The following WNK4 variants were observed in gnomAD, a reference collection of about 807,000 sequenced individuals.
WNK4 encodes WNK lysine deficient protein kinase 4, also known as serine/threonine-protein kinase WNK4.
Under a neutral mutation model 116.2 loss-of-function variants are expected in WNK4, and 94 were observed. That is an observed-to-expected ratio of 0.81 (90% CI 0.68 to 0.96). The LOEUF is 0.96. Ranked by LOEUF, WNK4 falls within the 40% of genes least tolerant of loss-of-function variation. WNK4 has a pLI of 0.00. For synonymous variants in WNK4, 655 were observed against 672.7 expected, an observed-to-expected ratio of 0.97 and a Z score of 0.41; for missense variants, 1,542 against 1,650.6, an observed-to-expected ratio of 0.93 and a Z score of 1.14.
In WNK4 at chr17:42,796,279, C is replaced by T. The variant is rs2054670828; in HGVS notation, c.3588C>T (p.Thr1196=). The change falls in exon 17 of 19, where the codon ACC becomes ACT. Residue 1196 remains threonine, a synonymous_variant. Transcript: ENST00000246914. ...GCCTCTCCAAGGGCAGCTTCCCCACCTCCCGCCGCAACAGCCTACAGCGCT... is the reference window on the plus strand; with the variant it reads ...GCCTCTCCAAGGGCAGCTTCCCCACTTCCCGCCGCAACAGCCTACAGCGCT... The part of the protein sequence containing the change: ...QRRLSKGSFP[T]SRRNSLQRSE... The T allele has an allele frequency of 6.2e-7, 1 of 1,607,050 alleles. No individual in the cohort carries two copies. The highest frequency in any genetic ancestry group is 1.3e-5 in the African/African-American group (1 of 74,796).
Position 42,784,618 on chromosome 17 carries a change from G to A in WNK4, c.1170+39G>A, listed in dbSNP as rs1302369041. Reference sequence around the variant, plus strand: ...GGCTGGCGGGAAAGGCAATTCCAGGGCCACTTCCCCTTTTCCTGCGCCGGC... The same window carrying A: ...GGCTGGCGGGAAAGGCAATTCCAGGACCACTTCCCCTTTTCCTGCGCCGGC... On this transcript the variant is annotated intron_variant, in intron 4 of 18. Coordinates refer to ENST00000246914, the MANE Select transcript of WNK4 (RefSeq NM_032387.5). This position sits in a 1 kb window ranked among gnomAD's most constrained non-coding sequence, Gnocchi z 4.4. The A allele has an allele frequency of 1.9e-6, 3 of 1,612,694 alleles. No individual in the cohort carries two copies. The highest frequency in any genetic ancestry group is 2.5e-6 in the Non-Finnish European group (3 of 1,179,742).
chr17:42,794,639 T>C lies in WNK4; in HGVS notation c.2321T>C (p.Leu774Pro), dbSNP rs747445147. The C allele has an allele frequency of 3.7e-6, 6 of 1,613,830 alleles. No individual in the cohort carries two copies. In the Admixed American group the frequency reaches 1.0e-4, roughly 27 times the overall value. ...PQEEPAPLPALPVPLPDPSNE... is the reference protein window; with the variant it reads ...PQEEPAPLPAPPVPLPDPSNE... ...GAGGAGCCAGCACCATTACCTGCCC[T>C]GCCCGTCCCCCTCCCAGACCCATCC... Residue 774 changes from leucine (L) to proline (P), a missense_variant, in exon 13 of 19, where the codon CTG becomes CCG. This residue lies in a region of WNK4 where 808 missense variants were observed against 873.6 expected (regional missense o/e 0.92). Coordinates refer to ENST00000246914, the MANE Select transcript of WNK4 (RefSeq NM_032387.5).
chr17:42,791,405 G>A (rs1156817586), intron 11 of WNK4, among the ~76,000 whole-genome samples: 3 of 152,162 alleles, frequency 2.0e-5, no homozygotes, highest in African/African-American at 4.8e-5. Flanking sequence ...TTGGGAGGCC[G>A]AGGCAGGCAG....
chr17:42,793,571 C>T, intron 11 of WNK4, 21 bp from the exon 12 acceptor site: 1 of 1,613,268 alleles, frequency 6.2e-7, no homozygotes, highest in Non-Finnish European at 8.5e-7. Context: ...TCTCCCTCCC[C>T]ATCCTGTTGA....
chr17:42,796,412 G>T, intron 17 of WNK4, 69 bp from the exon 18 acceptor site: 7 of 1,613,674 alleles, frequency 4.3e-6, no homozygotes, highest in Non-Finnish European at 5.9e-6. Context: ...CTGCCCCGGG[G>T]GAATAGACCC....
chr17:42,794,273 G>C, intron 12 of WNK4: 4 of 391,952 alleles, frequency 1.0e-5, no homozygotes, highest in Non-Finnish European at 4.7e-6. Context: ...TTTCAGACTT[G>C]TGGAGAGAAG....
At position 42,787,505 on chromosome 17, in the gene WNK4, CT is replaced by C. The variant is rs1394956529; in HGVS notation, c.1706del (p.Phe569SerfsTer92). 1 of 1,587,224 alleles carries C rather than the reference CT, an allele frequency of 6.3e-7. No individual in the cohort carries two copies. On this transcript the variant is annotated frameshift_variant, in exon 7 of 19. Coordinates refer to ENST00000246914, the MANE Select transcript of WNK4 (RefSeq NM_032387.5). LOFTEE classifies it high-confidence loss of function. ...AGCCAGAGGCAGACCAGCACCAGCC[CT>C]TCCTTTTCCGCCACGCCAGCTACTC... ...EEPEADQHQP[F>X]LFRHASYSST...
Position 42,787,760 on chromosome 17 carries a change from C to A in WNK4, c.1742-18C>A. 6.2e-7 allele frequency: 1 copy of A among 1,610,280 alleles called. No individual in the cohort carries two copies. The highest frequency in any genetic ancestry group is 8.5e-7 in the Non-Finnish European group (1 of 1,179,916). On this transcript the variant is annotated intron_variant, in intron 7 of 18. Coordinates refer to ENST00000246914, the MANE Select transcript of WNK4 (RefSeq NM_032387.5). ...CCTTTTATTTCCCCTTTTTTTGATC[C>A]TCTCCCTCCCCAACCAGCGGATTGC...
At chr17:42,787,747 CCTT>C (rs780646150) in intron 7 of WNK4, 28 bp from the exon 8 acceptor site, 1 of 1,609,000 alleles carries the variant, frequency 6.2e-7, no homozygotes, top group Non-Finnish European at 8.5e-7. Context: ...TTTTATTTCC[CCTT>C]TTTTTGATCC....
rs574271881 is a variant in WNK4, at chr17:42,785,016, G to A, written c.1171-81G>A. The A allele has an allele frequency of 1.1e-4, 158 of 1,419,748 alleles. No homozygotes were observed. In the Middle Eastern group the frequency reaches 1.2e-3, roughly 11 times the overall value. The allele number at this position is 1,419,748 out of a possible 1,614,324, so 87.9% of individuals were successfully genotyped here. ...GCACGCGCAGCTGCCTAAGGAGGGA[G>A]TGGAGTAAGGGGTGGGGGGTGGTGT... On this transcript the variant is annotated intron_variant, in intron 4 of 18. Coordinates refer to ENST00000246914, the MANE Select transcript of WNK4 (RefSeq NM_032387.5).
chr17:42,782,965 G>A lies in WNK4; in HGVS notation c.791+35G>A, dbSNP rs765854879. On this transcript the variant is annotated intron_variant, in intron 2 of 18. Coordinates refer to ENST00000246914, the MANE Select transcript of WNK4 (RefSeq NM_032387.5). The surrounding 1 kb of genome is among the most constrained non-coding windows in gnomAD (Gnocchi z 4.2). ...GCGCATGAGTGGGTGGGGAGAGGGA[G>A]GCTGGGATGTGTGCCCACTGCTTCC... 2.1e-5 allele frequency: 34 copies of A among 1,609,644 alleles called. No homozygotes were observed. The Admixed American group carries it at 2.9e-4, about 14-fold the overall frequency.
rs2054524039 is a variant in WNK4, at chr17:42,784,693, A to T, written c.1170+114A>T. ...CTGCACGAAAACAGGCTAGACACAG[A>T]GTCGCCTTGGTGAACACAGAAGGAT... On this transcript the variant is annotated intron_variant, in intron 4 of 18. Transcript: ENST00000246914. The surrounding 1 kb of genome is among the most constrained non-coding windows in gnomAD (Gnocchi z 4.4). 1 of 1,392,794 alleles carries T rather than the reference A, an allele frequency of 7.2e-7. No homozygotes were observed. The highest frequency in any genetic ancestry group is 2.4e-4 in the Middle Eastern group (1 of 4,154). 86.3% of individuals were successfully genotyped at this position (1,392,794 alleles called of 1,614,324 possible).
intron 10 of WNK4, 88 bp downstream of exon 10, chr17:42,788,495 G>T: frequency 7.2e-7 from 1 of 1,384,296 alleles, no homozygotes; most frequent in South Asian, 1.2e-5. Context: ...CCCAGAAAAC[G>T]GGAGAAGCAG....
At position 42,785,069 on chromosome 17, in the gene WNK4, G is replaced by A. The variant is rs1182123877; in HGVS notation, c.1171-28G>A. On this transcript the variant is annotated intron_variant, in intron 4 of 18. Coordinates refer to ENST00000246914, the MANE Select transcript of WNK4 (RefSeq NM_032387.5). ...AGCCGAGAGCTGGGGATCAGAGGAC[G>A]GGAGGTGTCATGCAACCCCTTCCCC... 3 of 1,603,324 alleles carry A rather than the reference G, an allele frequency of 1.9e-6. No homozygotes were observed. In the South Asian group the frequency reaches 3.4e-5, roughly 18 times the overall value.
rs555786729 is a variant in WNK4, at chr17:42,784,986, C to T, written c.1171-111C>T. 4 of 1,110,810 alleles carry T rather than the reference C, an allele frequency of 3.6e-6. No individual in the cohort carries two copies. The African/African-American group carries it at 6.3e-5, about 18-fold the overall frequency. The allele number at this position is 1,110,810 out of a possible 1,614,324, so 68.8% of individuals were successfully genotyped here. A position where few individuals can be genotyped will look rare whatever the true frequency, so the allele number is the denominator to read the frequency against. On this transcript the variant is annotated intron_variant, in intron 4 of 18. Coordinates refer to ENST00000246914, the MANE Select transcript of WNK4 (RefSeq NM_032387.5). The surrounding 1 kb of genome is among the most constrained non-coding windows in gnomAD (Gnocchi z 4.4). ...TCTTCCAGTAGCAGTCAGGCTTTTG[C>T]AACTGCACGCGCAGCTGCCTAAGGA...
In WNK4 at chr17:42,796,111, G is replaced by C. The variant is rs775638341; in HGVS notation, c.3432-12G>C. On this transcript the variant is annotated splice_polypyrimidine_tract_variant and intron_variant, in intron 16 of 18. Coordinates refer to ENST00000246914, the MANE Select transcript of WNK4 (RefSeq NM_032387.5). Reference sequence around the variant, plus strand: ...TGTGGCTAGCCCTTTCATGCCCTCCGTGCATCCTCAGGCACTTGTCAGAGG... The same window carrying C: ...TGTGGCTAGCCCTTTCATGCCCTCCCTGCATCCTCAGGCACTTGTCAGAGG... The C allele has an allele frequency of 6.2e-7, 1 of 1,614,082 alleles. No individual in the cohort carries two copies. The highest frequency in any genetic ancestry group is 1.7e-5 in the Admixed American group (1 of 60,012).
rs534383400 is a variant in WNK4, at chr17:42,795,453, C to A, written c.2962-8C>A. On this transcript the variant is annotated splice_region_variant and splice_polypyrimidine_tract_variant and intron_variant, in intron 14 of 18. Coordinates refer to ENST00000246914, the MANE Select transcript of WNK4 (RefSeq NM_032387.5). ...ACTCTTCCCTTCTCATGGCCCCCCA[C>A]TTTCTAGGCCTCACCACCTCCTGCT... The A allele has an allele frequency of 1.9e-6, 3 of 1,614,108 alleles. No homozygotes were observed. The African/African-American group carries it at 4.0e-5, about 22-fold the overall frequency.
Position 42,796,783 on chromosome 17 carries a change from C to A in WNK4, c.*95C>A. On this transcript the variant is annotated 3_prime_UTR_variant, in exon 19 of 19. Transcript: ENST00000246914. ...ATGCTTTCTGATCAACAAAACTGAGCAAGGAAGATCCCAACACTGAAGGGG... is the reference window on the plus strand; with the variant it reads ...ATGCTTTCTGATCAACAAAACTGAGAAAGGAAGATCCCAACACTGAAGGGG... 6.2e-7 allele frequency: 1 copy of A among 1,613,684 alleles called. No homozygotes were observed. Among genetic ancestry groups the A allele is most frequent in the Non-Finnish European group, 8.5e-7 (1 of 1,179,752 alleles).
In WNK4 at chr17:42,788,357, C is replaced by A. The variant is rs2054574114; in HGVS notation, c.1990C>A (p.Pro664Thr). 1 of 1,613,678 alleles carries A rather than the reference C, an allele frequency of 6.2e-7. No individual in the cohort carries two copies. The highest frequency in any genetic ancestry group is 1.3e-5 in the African/African-American group (1 of 75,018). The change falls in exon 10 of 19, where the codon CCA (proline) becomes ACA (threonine). Residue 664 changes from proline to threonine, a missense_variant. This residue lies in a region of WNK4 where 808 missense variants were observed against 873.6 expected (regional missense o/e 0.92). Transcript: ENST00000246914. ...GEGMGQMRRP[P>T]GRNLRRRPRS... is the part of the protein sequence containing the mutation. ...AGGGATGGGACAAATGAGGAGACCC[C>A]CAGGGAGGAATCTCCGGCGCAGACC...
Sources: gnomAD v4.1 joint callset for allele counts (sites outside exome capture counted in the v4.1 genomes callset) on GRCh38, gnomAD v4.1.1 for gene constraint, gnomAD v4.1.1 regional missense constraint, Gnocchi (gnomAD v3.1) non-coding constraint, MANE v1.5 for transcripts, NCBI Gene and HGNC (gene_info 2026-07-23, HGNC 2026-07-21) for gene names.